The following CSNK1A1 variants were observed in gnomAD, a reference collection of about 807,000 sequenced individuals.
The protein encoded by CSNK1A1 is casein kinase 1 alpha 1.
In CSNK1A1, 7 loss-of-function variants were observed where a neutral mutation model predicts 46.1. The ratio of observed to expected loss-of-function variants is 0.15; its 90% confidence interval spans 0.09 to 0.29. The LOEUF is 0.29. Ranked by LOEUF, CSNK1A1 falls within the 10% of genes least tolerant of loss-of-function variation. CSNK1A1 has a pLI of 1.00. For synonymous variants in CSNK1A1, 137 were observed against 141.5 expected, an observed-to-expected ratio of 0.97 and a Z score of 0.23; for missense variants, 96 against 417.1, an observed-to-expected ratio of 0.23 and a Z score of 6.71.
intron 2 of CSNK1A1, among the ~76,000 whole-genome samples, chr5:149,529,063 A>G (rs1761806674): frequency 6.6e-6 from 1 of 152,236 alleles, no homozygotes; most frequent in African/African-American, 2.4e-5. Context: ...ATGAGACTAA[A>G]AAAAGTATTC....
At chr5:149,543,600 G>A (rs905039604) in intron 2 of CSNK1A1, among the ~76,000 whole-genome samples, 1 of 152,054 alleles carries the variant, frequency 6.6e-6, no homozygotes, top group South Asian at 2.1e-4. Flanking sequence ...TTATTCACAG[G>A]ATATATGCTC....
chr5:149,545,094 T>C (rs1340556516), intron 2 of CSNK1A1, among the ~76,000 whole-genome samples: 1 of 139,026 alleles, frequency 7.2e-6, no homozygotes, highest in Admixed American at 7.9e-5. Flanking sequence ...AGAGCAAGAC[T>C]CCATCTCAAA....
Position 149,496,621 on chromosome 5 carries a change from C to G in CSNK1A1, c.*232G>C, listed in dbSNP as rs1343642682. On this transcript the variant is annotated 3_prime_UTR_variant, in exon 10 of 10. Coordinates refer to ENST00000377843, the MANE Select transcript of CSNK1A1 (RefSeq NM_001892.6). ...AAAAAATGCAATAGAAAACCGGACACCATGTTTCACTATCTCAGTTAATAT... is the reference window on the plus strand; with the variant it reads ...AAAAAATGCAATAGAAAACCGGACAGCATGTTTCACTATCTCAGTTAATAT... 2.3e-6 allele frequency: 1 copy of G among 440,066 alleles called. No homozygotes were observed. Among genetic ancestry groups the G allele is most frequent in the Non-Finnish European group, 3.9e-6 (1 of 257,560 alleles). The allele number at this position is 440,066 out of a possible 1,614,324, so 27.3% of individuals were successfully genotyped here. A position where few individuals can be genotyped will look rare whatever the true frequency, so the allele number is the denominator to read the frequency against.
At chr5:149,497,442 A>T in intron 9 of CSNK1A1, 1 of 985,958 alleles carries the variant, frequency 1.0e-6, no homozygotes, top group Non-Finnish European at 1.2e-6. Context: ...TCATTTAAAA[A>T]TGTAAGCAAG....
chr5:149,537,558 T>C (rs1489943411), intron 2 of CSNK1A1, among the ~76,000 whole-genome samples: 2 of 151,896 alleles, frequency 1.3e-5, no homozygotes, highest in Non-Finnish European at 2.9e-5. Context: ...TGGTCTTTAG[T>C]AGAAATTCCT....
At chr5:149,523,400 G>C (rs1761633569) in intron 3 of CSNK1A1, among the ~76,000 whole-genome samples, 2 of 152,204 alleles carry the variant, frequency 1.3e-5, no homozygotes, top group South Asian at 4.1e-4. Context: ...TCAGGCTGGA[G>C]TGCAGTGGCA....
intron 9 of CSNK1A1, chr5:149,497,947 C>T (rs560511461): frequency 3.0e-6 from 2 of 663,874 alleles, no homozygotes; most frequent in African/African-American, 3.9e-5. Context: ...GATTCTCCTG[C>T]CTCAGCCTCC....
At position 149,517,423 on chromosome 5, in the gene CSNK1A1, G is replaced by A. The variant is rs990725542; in HGVS notation, c.456+2867C>T. Among the ~76,000 whole-genome samples the A allele has an allele frequency of 6.6e-5, 10 of 152,076 alleles. No individual in the cohort carries two copies. In the East Asian group the frequency reaches 1.3e-3, roughly 20 times the overall value. ...AATGAACTGAATTTAAATATATTTC[G>A]TGCATTAAGTTGTGTAACTCCAAAT... On this transcript the variant is annotated intron_variant, in intron 4 of 9. Transcript: ENST00000377843. The surrounding 1 kb of genome is among the most constrained non-coding windows in gnomAD (Gnocchi z 4.4).
chr5:149,544,511 A>T (rs974282015), intron 2 of CSNK1A1, among the ~76,000 whole-genome samples: 3 of 113,898 alleles, frequency 2.6e-5, no homozygotes, highest in African/African-American at 3.6e-5. Context: ...AAAAAAATTT[A>T]AAAAAATTTT....
At chr5:149,542,663 TATATATATGTATATATATATATA>T (rs1762329991) in intron 2 of CSNK1A1, among the ~76,000 whole-genome samples, 1 of 11,016 alleles carries the variant, frequency 9.1e-5, no homozygotes, top group Non-Finnish European at 1.5e-4. Context: ...TATATATATA[TATATATATGTATATATATATATA>T]TATATATTTT....
chr5:149,501,386 CCT>C lies in CSNK1A1; in HGVS notation c.1006+4059_1006+4060del, dbSNP rs1725250057. 6.1e-6 allele frequency: 6 copies of C among 985,242 alleles called. 1 individual carries two copies. The highest frequency in any genetic ancestry group is 3.6e-6 in the Non-Finnish European group (3 of 829,950). The allele number at this position is 985,242 out of a possible 1,614,324, so 61.0% of individuals were successfully genotyped here. ...CTGTCCAGGTATTTCAAAATCTTCC[CCT>C]GTGATGTGGGTGTGCTGCTGAGTGA... On this transcript the variant is annotated intron_variant, in intron 9 of 9. Transcript: ENST00000377843.
In CSNK1A1 at chr5:149,509,898, G is replaced by A; in HGVS notation, c.731C>T (p.Pro244Leu). 1.2e-6 allele frequency: 2 copies of A among 1,610,494 alleles called. No homozygotes were observed. Residue 244 changes from proline to leucine, a missense_variant, in exon 7 of 10, where the codon CCT becomes CTT. Transcript: ENST00000377843. ...EKISEKKMST[P>L]VEVLCKGFPA... ...ACTTACCTTACATAAAACTTCAACA[G>A]GCGTGGACATCTTCTTTTCACTAAT...
intron 9 of CSNK1A1, chr5:149,497,933 A>G (rs1296946108): frequency 2.7e-6 from 2 of 728,492 alleles, no homozygotes; most frequent in Non-Finnish European, 3.4e-6. Flanking sequence ...TCCTGGGTTC[A>G]AGCGATTCTC....
chr5:149,507,901 G>C (rs1761087997), intron 7 of CSNK1A1, among the ~76,000 whole-genome samples: 1 of 152,116 alleles, frequency 6.6e-6, no homozygotes, highest in Admixed American at 6.6e-5. Context: ...AAGTACATCT[G>C]TGGGCATAGA....
intron 9 of CSNK1A1, chr5:149,497,284 C>T (rs987041604): frequency 5.0e-5 from 50 of 991,614 alleles, no homozygotes; most frequent in Admixed American, 1.7e-4. Flanking sequence ...CAAATTAAAA[C>T]GGTTAGCTTT....
chr5:149,536,852 T>C (rs1165291674), intron 2 of CSNK1A1, among the ~76,000 whole-genome samples: 1 of 152,200 alleles, frequency 6.6e-6, no homozygotes, highest in Non-Finnish European at 1.5e-5. Flanking sequence ...ATATGTAACA[T>C]AGTACCAAGA....
intron 7 of CSNK1A1, among the ~76,000 whole-genome samples, chr5:149,507,611 G>A (rs182309460): frequency 2.1e-3 from 319 of 152,108 alleles, no homozygotes; most frequent in South Asian, 4.2e-3. Context: ...ACAGACACGA[G>A]CTACCACGCC....
chr5:149,532,491 G>A (rs1761933619), intron 2 of CSNK1A1, among the ~76,000 whole-genome samples: 1 of 151,964 alleles, frequency 6.6e-6, no homozygotes, highest in African/African-American at 2.4e-5. Flanking sequence ...TCAGGAGTTT[G>A]AGACCACTCT....
chr5:149,507,648 G>A (rs201847479), intron 7 of CSNK1A1, among the ~76,000 whole-genome samples: 1 of 151,932 alleles, frequency 6.6e-6, no homozygotes, highest in East Asian at 1.9e-4. Context: ...TTTTTTAGTA[G>A]AGACAGGGTT....
Sources: gnomAD v4.1 joint callset for allele counts (sites outside exome capture counted in the v4.1 genomes callset) on GRCh38, gnomAD v4.1.1 for gene constraint, Gnocchi (gnomAD v3.1) non-coding constraint, MANE v1.5 for transcripts, NCBI Gene and HGNC (gene_info 2026-07-23, HGNC 2026-07-21) for gene names.